TMC2: variants seen among roughly 807,000 people sequenced by gnomAD.
TMC2 encodes the protein transmembrane channel-like protein 2.
Under a neutral mutation model 105.9 loss-of-function variants are expected in TMC2, and 102 were observed. That is an observed-to-expected ratio of 0.96 (90% CI 0.82 to 1.14). The LOEUF is 1.14. Among genes scored for constraint, TMC2 ranks in the 50% most tolerant of loss-of-function variants. TMC2 has a pLI of 0.00. For synonymous variants in TMC2, 402 were observed against 422.8 expected, an observed-to-expected ratio of 0.95 and a Z score of 0.60; for missense variants, 1,093 against 1,134.3, an observed-to-expected ratio of 0.96 and a Z score of 0.52.
chr20:2,629,999 T>C (rs572471884), intron 17 of TMC2, among the ~76,000 whole-genome samples: 5 of 152,336 alleles, frequency 3.3e-5, no homozygotes, highest in African/African-American at 1.2e-4. Context: ...GCAGAAAAAG[T>C]TTGCTGATCC....
In TMC2 at chr20:2,561,838, C is replaced by T. The variant is rs373796243; in HGVS notation, c.402-20C>T. ...CTCCTTTCCAACTTCCCTCTGCCTC[C>T]GCCCTGGCTCTGCCTCCAGGTCATC... On this transcript the variant is annotated intron_variant, in intron 3 of 19. Transcript: ENST00000358864. The T allele has an allele frequency of 4.2e-4, 670 of 1,606,984 alleles. 2 individuals are homozygous for T. Among genetic ancestry groups the T allele is most frequent in the African/African-American group, 5.4e-4 (40 of 74,574 alleles).
Position 2,561,779 on chromosome 20 carries a change from C to A in TMC2, c.402-79C>A, listed in dbSNP as rs139764300. On this transcript the variant is annotated intron_variant, in intron 3 of 19. Transcript: ENST00000358864. ...GGGAAGGGGTGCCATCTTCCATGGG[C>A]CCCTCCTCATTCCACAGCACCTGAG... is the stretch of plus-strand genomic sequence containing the variant. 100 of 1,502,316 alleles carry A rather than the reference C, an allele frequency of 6.7e-5. 1 individual carries two copies. In the East Asian group the frequency reaches 2.2e-3, roughly 33 times the overall value. The allele number at this position is 1,502,316 out of a possible 1,614,324, so 93.1% of individuals were successfully genotyped here. A position where few individuals can be genotyped will look rare whatever the true frequency, so the allele number is the denominator to read the frequency against.
At chr20:2,544,068 ATT>A (rs3051737) in intron 2 of TMC2, among the ~76,000 whole-genome samples, 5,304 of 132,514 alleles carry the variant, frequency 0.04, 264 homozygotes, top group African/African-American at 0.13. Context: ...TGCCTAGCTG[ATT>A]TTTTTTTTTT....
chr20:2,614,157 T>C (rs1210652510), intron 14 of TMC2: 1 of 152,204 alleles, frequency 6.6e-6, no homozygotes, highest in Non-Finnish European at 1.5e-5. Flanking sequence ...GAAAGAACTT[T>C]GTGCTCAAAG....
At chr20:2,611,266 C>T (rs1200997962) in intron 12 of TMC2, among the ~76,000 whole-genome samples, 1 of 152,202 alleles carries the variant, frequency 6.6e-6, no homozygotes, top group Admixed American at 6.5e-5. Context: ...CCCGATGATG[C>T]TGATGCCCCT....
chr20:2,551,649 T>C (rs965205098), intron 2 of TMC2, among the ~76,000 whole-genome samples: 37 of 152,376 alleles, frequency 2.4e-4, no homozygotes, highest in Admixed American at 1.2e-3. Flanking sequence ...TTTAGGTTTA[T>C]GATCCATTTG....
chr20:2,543,488 T>C (rs1369061766), intron 2 of TMC2, among the ~76,000 whole-genome samples: 1 of 152,170 alleles, frequency 6.6e-6, no homozygotes, highest in Non-Finnish European at 1.5e-5. Flanking sequence ...TAGTCCACAA[T>C]AAACAGCATG....
intron 17 of TMC2, among the ~76,000 whole-genome samples, chr20:2,624,696 T>C (rs2086551865): frequency 6.6e-6 from 1 of 152,036 alleles, no homozygotes; most frequent in Non-Finnish European, 1.5e-5. Context: ...GCGTCATTCA[T>C]GGGTAAAATG....
At chr20:2,538,359 G>C (rs2085865614) in intron 2 of TMC2, among the ~76,000 whole-genome samples, 1 of 152,142 alleles carries the variant, frequency 6.6e-6, no homozygotes, top group Non-Finnish European at 1.5e-5. Context: ...TACCCCACCT[G>C]CCTGCCTCAT....
chr20:2,599,097 A>G (rs191267736), intron 10 of TMC2, among the ~76,000 whole-genome samples: 2 of 152,120 alleles, frequency 1.3e-5, no homozygotes, highest in Non-Finnish European at 2.9e-5. Flanking sequence ...GGGTTTCACC[A>G]TTTTGGCCAG....
chr20:2,633,718 C>T (rs2086621105), intron 17 of TMC2, among the ~76,000 whole-genome samples: 1 of 151,778 alleles, frequency 6.6e-6, no homozygotes, highest in Non-Finnish European at 1.5e-5. Flanking sequence ...CTGATTTTCA[C>T]CAAAATTTGG....
chr20:2,607,920 T>A (rs1452844703), intron 11 of TMC2, among the ~76,000 whole-genome samples: 2 of 152,028 alleles, frequency 1.3e-5, no homozygotes, highest in Non-Finnish European at 2.9e-5. Context: ...AAGTCAGGAG[T>A]TCGAGACCAG....
intron 10 of TMC2, among the ~76,000 whole-genome samples, chr20:2,598,584 T>G (rs933507561): frequency 6.6e-6 from 1 of 151,926 alleles, no homozygotes; most frequent in African/African-American, 2.4e-5. Context: ...CCGGCTAATT[T>G]TTTTGTATTT....
intron 4 of TMC2, among the ~76,000 whole-genome samples, chr20:2,568,513 G>A (rs4815354): frequency 0.67 from 102,491 of 152,002 alleles, 34,802 homozygotes; most frequent in African/African-American, 0.74. Flanking sequence ...GAAGAGAAGC[G>A]TTTGCTGCTG....
chr20:2,625,301 T>G (rs530392344), intron 17 of TMC2, among the ~76,000 whole-genome samples: 1 of 152,306 alleles, frequency 6.6e-6, no homozygotes, highest in East Asian at 1.9e-4. Context: ...GATGTTAACA[T>G]TTTGCAATAT....
intron 19 of TMC2, among the ~76,000 whole-genome samples, chr20:2,638,618 G>A (rs921501033): frequency 1.3e-5 from 2 of 152,112 alleles, no homozygotes; most frequent in Admixed American, 6.5e-5. Context: ...ACCTTCCAGT[G>A]GGACAAGATG....
At chr20:2,626,111 T>G (rs369634436) in intron 17 of TMC2, among the ~76,000 whole-genome samples, 2 of 118,506 alleles carry the variant, frequency 1.7e-5, no homozygotes, top group South Asian at 2.6e-4. Flanking sequence ...AAGGGATGGG[T>G]TTTTTTTCCT....
intron 17 of TMC2, among the ~76,000 whole-genome samples, chr20:2,631,941 CTG>C (rs1229798133): frequency 1.3e-5 from 2 of 152,092 alleles, no homozygotes; most frequent in East Asian, 1.9e-4. Context: ...GTCCCATAGG[CTG>C]TGTTATTTTA....
chr20:2,607,292 C>A (rs2086401023), intron 11 of TMC2, among the ~76,000 whole-genome samples: 1 of 152,104 alleles, frequency 6.6e-6, no homozygotes, highest in African/African-American at 2.4e-5. Context: ...TGAGAGAGCT[C>A]CTGCCTCTCA....
Sources: allele counts gnomAD v4.1 joint callset (sites outside exome capture counted in the v4.1 genomes callset), GRCh38; gene constraint gnomAD v4.1.1; transcripts MANE v1.5; gene names NCBI Gene and HGNC (gene_info 2026-07-23, HGNC 2026-07-21).